Variants in PSD3 observed in about 807,000 individuals in gnomAD.
PSD3 encodes PH and SEC7 domain-containing protein 3.
In PSD3, 49 loss-of-function variants were observed where a neutral mutation model predicts 105.5. That is an observed-to-expected ratio of 0.46 (90% confidence interval 0.37 to 0.59). The LOEUF (loss-of-function observed/expected upper bound fraction) is 0.59, where lower values mean the gene tolerates loss of function less well. PSD3 is among the 20% of genes least tolerant of loss of function. PSD3 has a pLI of 0.00. For synonymous variants in PSD3, 557 were observed against 457.8 expected (o/e 1.22, Z -2.77); for missense variants, 1,561 against 1,263.8 (o/e 1.24, Z -3.57).
intron 11 of PSD3, among the ~76,000 whole-genome samples, chr8:18,623,843 T>A (rs1217299097): frequency 3.3e-5 from 5 of 152,162 alleles, no homozygotes; most frequent in African/African-American, 1.2e-4. Flanking sequence ...AATTTCAATA[T>A]ATGAATGTAT....
intron 1 of PSD3, among the ~76,000 whole-genome samples, chr8:19,007,868 G>A (rs1428750820): frequency 6.6e-6 from 1 of 151,960 alleles, no homozygotes; most frequent in Non-Finnish European, 1.5e-5. Context: ...TTTTGAGAGG[G>A]AGTCTCGCTC....
intron 3 of PSD3, among the ~76,000 whole-genome samples, chr8:18,870,613 G>A (rs1179340384): frequency 6.6e-6 from 1 of 151,608 alleles, no homozygotes; most frequent in Non-Finnish European, 1.5e-5. Context: ...AAACCACCAT[G>A]GCACATGTAT....
chr8:18,618,769 A>C (rs28409193), intron 11 of PSD3, among the ~76,000 whole-genome samples: 86,152 of 151,730 alleles, frequency 0.57, 24,923 homozygotes, highest in Middle Eastern at 0.76. Context: ...CAGACTTAAC[A>C]TCCTGGGCTC....
intron 1 of PSD3, among the ~76,000 whole-genome samples, chr8:18,995,209 T>C (rs985504700): frequency 6.6e-6 from 1 of 152,142 alleles, no homozygotes. Context: ...CCAAAGCATG[T>C]ACTCAGAGGT....
intron 9 of PSD3, among the ~76,000 whole-genome samples, chr8:18,750,239 G>C (rs1805361703): frequency 6.6e-6 from 1 of 152,296 alleles, no homozygotes; most frequent in East Asian, 1.9e-4. Context: ...GCGGACCCTC[G>C]CGGTGAGTGC....
At chr8:18,548,393 G>A (rs762242550) in intron 15 of PSD3, among the ~76,000 whole-genome samples, 6 of 152,130 alleles carry the variant, frequency 3.9e-5, no homozygotes, top group Non-Finnish European at 5.9e-5. Flanking sequence ...GTTACTTAAC[G>A]TCTTGCACTG....
At chr8:18,616,662 C>A (rs527332108) in intron 11 of PSD3, among the ~76,000 whole-genome samples, 32 of 134,156 alleles carry the variant, frequency 2.4e-4, no homozygotes, top group Non-Finnish European at 4.6e-4. Flanking sequence ...CTCGCTCTGT[C>A]GCCCAGGCTG....
chr8:18,599,623 T>C (rs1260756225), intron 12 of PSD3, among the ~76,000 whole-genome samples: 1 of 152,116 alleles, frequency 6.6e-6, no homozygotes, highest in Admixed American at 6.5e-5. Context: ...AGATGACCCT[T>C]AAAGAGAATG....
intron 2 of PSD3, among the ~76,000 whole-genome samples, chr8:18,893,227 G>C (rs950586247): frequency 6.6e-6 from 1 of 152,118 alleles, no homozygotes; most frequent in Non-Finnish European, 1.5e-5. Flanking sequence ...TGCGGGGTCA[G>C]CATGGGAGCA....
At chr8:19,043,610 G>A (rs1828207872) in intron 1 of PSD3, among the ~76,000 whole-genome samples, 1 of 152,186 alleles carries the variant, frequency 6.6e-6, no homozygotes, top group African/African-American at 2.4e-5. Context: ...AAGTTAAATT[G>A]CCGATGGAAT....
chr8:18,548,800 T>A (rs1432563312), intron 15 of PSD3, among the ~76,000 whole-genome samples: 2 of 152,150 alleles, frequency 1.3e-5, no homozygotes, highest in African/African-American at 4.8e-5. Context: ...GGAGTGCCTG[T>A]GGACCACCTG....
chr8:18,587,409 C>T (rs1378760202), intron 12 of PSD3, among the ~76,000 whole-genome samples: 2 of 131,522 alleles, frequency 1.5e-5, no homozygotes, highest in African/African-American at 5.3e-5. Context: ...ATACCTTCAT[C>T]ATTTGAAACA....
At chr8:18,985,510 C>G (rs1170405270) in intron 1 of PSD3, among the ~76,000 whole-genome samples, 1 of 152,158 alleles carries the variant, frequency 6.6e-6, no homozygotes, top group Non-Finnish European at 1.5e-5. Context: ...TGAATGAAAG[C>G]TGCAATAAAG....
chr8:18,933,927 A>T (rs1265687229), intron 2 of PSD3, among the ~76,000 whole-genome samples: 1 of 152,264 alleles, frequency 6.6e-6, no homozygotes, highest in Non-Finnish European at 1.5e-5. Context: ...CATGTTAAGT[A>T]TAAGAGATAT....
At chr8:18,964,439 T>C (rs533643608) in intron 1 of PSD3, among the ~76,000 whole-genome samples, 7 of 150,974 alleles carry the variant, frequency 4.6e-5, no homozygotes, top group African/African-American at 1.7e-4. Flanking sequence ...TAACTCTTGT[T>C]ACACAAAACT....
chr8:18,824,860 G>T (rs1010270567), intron 4 of PSD3, among the ~76,000 whole-genome samples: 3 of 152,116 alleles, frequency 2.0e-5, no homozygotes, highest in African/African-American at 7.2e-5. Context: ...CACGAGTCCA[G>T]CATCATCCTT....
intron 9 of PSD3, among the ~76,000 whole-genome samples, chr8:18,760,335 G>C (rs1289824599): frequency 2.0e-5 from 3 of 152,024 alleles, no homozygotes; most frequent in African/African-American, 7.3e-5. Flanking sequence ...TAGTCACCAT[G>C]CTATACAACA....
chr8:18,759,904 G>C (rs2129442275), intron 9 of PSD3, among the ~76,000 whole-genome samples: 1 of 150,072 alleles, frequency 6.7e-6, no homozygotes, highest in African/African-American at 2.5e-5. Context: ...AAGGCCCTGT[G>C]TCTTTTCTGT....
At chr8:18,592,940 AT>A (rs1483008168) in intron 12 of PSD3, among the ~76,000 whole-genome samples, 2 of 152,190 alleles carry the variant, frequency 1.3e-5, no homozygotes, top group Non-Finnish European at 2.9e-5. Flanking sequence ...CTGAAACTGG[AT>A]CCCTTCCTTA....
Sources: gnomAD v4.1 joint callset for allele counts (sites outside exome capture counted in the v4.1 genomes callset) on GRCh38, gnomAD v4.1.1 for gene constraint, MANE v1.5 for transcripts, NCBI Gene and HGNC (gene_info 2026-07-23, HGNC 2026-07-21) for gene names.